VSNL1: variants seen among roughly 807,000 people sequenced by gnomAD.
VSNL1 encodes the protein visinin like 1.
VSNL1 carries 6 observed loss-of-function variants against 20.4 expected under a neutral mutation model. The ratio of observed to expected loss-of-function variants is 0.29; its 90% CI spans 0.16 to 0.58. The LOEUF (loss-of-function observed/expected upper bound fraction) is 0.58, where lower values mean the gene tolerates loss of function less well. Ranked by LOEUF, VSNL1 falls within the 20% of genes least tolerant of loss-of-function variation. VSNL1 has a pLI of 0.90. For synonymous variants in VSNL1, 93 were observed against 86.4 expected (o/e 1.08, Z -0.42); for missense variants, 100 against 234.5 (o/e 0.43, Z 3.75).
rs3064980 is a variant in VSNL1 at position 17,655,455 on chromosome 2, T to TCACACACACACACACACACACACACACA, written c.*80_*107dup. On this transcript the variant is annotated 3_prime_UTR_variant, in exon 4 of 4. Transcript: ENST00000295156. This position sits in a 1 kb window ranked among gnomAD's most constrained non-coding sequence, Gnocchi z 5.2. ...AATGTTCCATTCAGTCTGCAGCTAT[T>TCACACACACACACACACACACACACACA]CACACACACACACACACACACACAC... 2.0e-6 allele frequency: 1 copy of TCACACACACACACACACACACACACACA among 506,850 alleles called. No individual in the cohort carries two copies. Among genetic ancestry groups the TCACACACACACACACACACACACACACA allele is most frequent in the Non-Finnish European group, 3.5e-6 (1 of 288,972 alleles). The allele number at this position is 506,850 out of a possible 1,614,324, so 31.4% of individuals were successfully genotyped here. A position where few individuals can be genotyped will look rare whatever the true frequency, so the allele number is the denominator to read the frequency against.
At chr2:17,621,026 T>G (rs1393270102) in intron 2 of VSNL1, among the ~76,000 whole-genome samples, 1 of 152,220 alleles carries the variant, frequency 6.6e-6, no homozygotes, top group Non-Finnish European at 1.5e-5. Context: ...AAAACTATAA[T>G]AGACTTATGG....
At chr2:17,637,866 T>C (rs1476106881) in intron 2 of VSNL1, among the ~76,000 whole-genome samples, 1 of 152,172 alleles carries the variant, frequency 6.6e-6, no homozygotes, top group Admixed American at 6.5e-5. Context: ...AGAATGACCT[T>C]TGCTGAGTCC....
chr2:17,590,061 T>C (rs555209683), intron 1 of VSNL1, among the ~76,000 whole-genome samples: 1 of 152,350 alleles, frequency 6.6e-6, no homozygotes, highest in Non-Finnish European at 1.5e-5. Context: ...TTGTATGCTC[T>C]TATACAAGTT....
chr2:17,550,132 A>G (rs1487018808), intron 1 of VSNL1, among the ~76,000 whole-genome samples: 2 of 152,228 alleles, frequency 1.3e-5, no homozygotes, highest in South Asian at 2.1e-4. Flanking sequence ...TTTATTGTTC[A>G]TATCATTCAA....
intron 3 of VSNL1, among the ~76,000 whole-genome samples, chr2:17,651,044 C>T (rs901146590): frequency 6.6e-6 from 1 of 152,194 alleles, no homozygotes; most frequent in Non-Finnish European, 1.5e-5. Flanking sequence ...TTTTGTCCAT[C>T]TTCCACACTT....
At chr2:17,609,163 C>T (rs1486136936) in intron 2 of VSNL1, among the ~76,000 whole-genome samples, 3 of 152,158 alleles carry the variant, frequency 2.0e-5, no homozygotes, top group African/African-American at 4.8e-5. Flanking sequence ...CTCAAGGCCT[C>T]GGTCTCTTTC....
intron 1 of VSNL1, among the ~76,000 whole-genome samples, chr2:17,542,337 T>TG (rs1201184025): frequency 6.6e-6 from 1 of 152,076 alleles, no homozygotes; most frequent in Non-Finnish European, 1.5e-5. Flanking sequence ...GTTGGCAGAA[T>TG]GGGCATGAGG....
intron 2 of VSNL1, among the ~76,000 whole-genome samples, chr2:17,621,255 T>G (rs1665349010): frequency 6.6e-6 from 1 of 151,844 alleles, no homozygotes; most frequent in African/African-American, 2.4e-5. Context: ...TTTTCTTTCT[T>G]TCTTTTCTTT....
At chr2:17,540,315 G>A (rs1311115598), upstream of VSNL1, 4 of 152,476 alleles carry the variant, frequency 2.6e-5, no homozygotes, top group East Asian at 7.7e-4. Flanking sequence ...GCGGCTCCAC[G>A]TGTTCCATCT....
chr2:17,586,940 G>T (rs1438636722), intron 1 of VSNL1, among the ~76,000 whole-genome samples: 2 of 152,138 alleles, frequency 1.3e-5, no homozygotes, highest in African/African-American at 2.4e-5. Flanking sequence ...ATTGTTTCAG[G>T]ATATGAGTGA....
intron 1 of VSNL1, among the ~76,000 whole-genome samples, chr2:17,549,801 C>G (rs1333171147): frequency 6.6e-6 from 1 of 152,150 alleles, no homozygotes; most frequent in African/African-American, 2.4e-5. Context: ...ATTTCCAAAC[C>G]TGTTTGTACA....
At chr2:17,565,320 G>A (rs1212607692) in intron 1 of VSNL1, among the ~76,000 whole-genome samples, 1 of 152,100 alleles carries the variant, frequency 6.6e-6, no homozygotes, top group African/African-American at 2.4e-5. Context: ...GATCTACCCA[G>A]AAGTTATGAA....
intron 1 of VSNL1, among the ~76,000 whole-genome samples, chr2:17,575,779 C>T (rs1336340718): frequency 6.6e-6 from 1 of 152,028 alleles, no homozygotes; most frequent in African/African-American, 2.4e-5. Context: ...TTGTGATCTG[C>T]CTGCCTCGGC....
At chr2:17,640,535 G>A (rs1329012708) in intron 2 of VSNL1, among the ~76,000 whole-genome samples, 1 of 152,232 alleles carries the variant, frequency 6.6e-6, no homozygotes, top group Non-Finnish European at 1.5e-5. Context: ...TTGGGGAGAA[G>A]TTAAAGATAT....
At chr2:17,579,218 C>A (rs1664292244) in intron 1 of VSNL1, among the ~76,000 whole-genome samples, 1 of 152,028 alleles carries the variant, frequency 6.6e-6, no homozygotes, top group Admixed American at 6.6e-5. Flanking sequence ...CGGGTTCATG[C>A]CATTCTCCTG....
chr2:17,635,516 T>C (rs2103416428), intron 2 of VSNL1, among the ~76,000 whole-genome samples: 1 of 152,326 alleles, frequency 6.6e-6, no homozygotes, highest in South Asian at 2.1e-4. Context: ...GAGTTCTACC[T>C]CTCATGTAGC....
At chr2:17,598,729 G>A (rs1412609047) in intron 2 of VSNL1, among the ~76,000 whole-genome samples, 1 of 152,150 alleles carries the variant, frequency 6.6e-6, no homozygotes, top group East Asian at 1.9e-4. Context: ...AAGGATAAGA[G>A]TCACTAAAAG....
At position 17,649,899 on chromosome 2, in the gene VSNL1, C is replaced by G. The variant is rs1035150733; in HGVS notation, c.378+274C>G. ...CCACGAACCTGTCTTACTGTGCACACAGGATGTCATGGGCTGTTTCTCTGG... is the reference window on the plus strand; with the variant it reads ...CCACGAACCTGTCTTACTGTGCACAGAGGATGTCATGGGCTGTTTCTCTGG... On this transcript the variant is annotated intron_variant, in intron 3 of 3. Coordinates refer to ENST00000295156, the MANE Select transcript of VSNL1 (RefSeq NM_003385.5). The surrounding 1 kb of genome is among the most constrained non-coding windows in gnomAD (Gnocchi z 6.4). Among the ~76,000 whole-genome samples, 1 of 152,214 alleles carries G rather than the reference C, an allele frequency of 6.6e-6. No individual in the cohort carries two copies. The highest frequency in any genetic ancestry group is 2.4e-5 in the African/African-American group (1 of 41,464).
intron 1 of VSNL1, among the ~76,000 whole-genome samples, chr2:17,560,679 G>T (rs62131511): frequency 0.029 from 4,458 of 152,148 alleles, 63 homozygotes; most frequent in Middle Eastern, 0.054. Context: ...GCGACATTTG[G>T]ATAATCTAGA....
Sources: allele counts gnomAD v4.1 joint callset (sites outside exome capture counted in the v4.1 genomes callset), GRCh38; gene constraint gnomAD v4.1.1; non-coding constraint Gnocchi (gnomAD v3.1); transcripts MANE v1.5; gene names NCBI Gene and HGNC (gene_info 2026-07-23, HGNC 2026-07-21).